The following ARID1B variants were observed in gnomAD, a reference collection of about 807,000 sequenced individuals.
The protein encoded by ARID1B is AT-rich interactive domain-containing protein 1B.
A neutral mutation model predicts 212.3 loss-of-function variants in ARID1B; 30 were observed. That is an observed-to-expected ratio of 0.14 (90% CI 0.11 to 0.19). The LOEUF (loss-of-function observed/expected upper bound fraction) is 0.19. Among genes scored for constraint, ARID1B ranks in the 10% least tolerant of loss-of-function variants. The pLI, the probability that ARID1B is intolerant of heterozygous loss-of-function variation, is 1.00. For synonymous variants in ARID1B, 1,402 were observed against 1,301.7 expected, an observed-to-expected ratio of 1.08 and a Z score of -1.66; for missense variants, 2,891 against 3,204.0, an observed-to-expected ratio of 0.90 and a Z score of 2.36.
chr6:156,872,126 G>A (rs1055114821), intron 2 of ARID1B, among the ~76,000 whole-genome samples: 2 of 152,136 alleles, frequency 1.3e-5, no homozygotes, highest in Middle Eastern at 3.2e-3. Flanking sequence ...GCTTCTCAAG[G>A]CGAGTGATCC....
rs71027320 is a variant in ARID1B at position 156,897,264 on chromosome 6, C to CTTCTTCTTCTTCTTCTTATTA, written c.1987-4110_1987-4109insCTTCTTCTTCTTCTTATTATT. On this transcript the variant is annotated intron_variant, in intron 2 of 19. Coordinates refer to ENST00000636930, the MANE Select transcript of ARID1B (RefSeq NM_001374828.1). Reference sequence around the variant, plus strand: ...TCTTCTTCTTCTTCTTCTTCTTCTTCTTATTATTATTATTATTATTATTAT... The same window carrying CTTCTTCTTCTTCTTCTTATTA: ...TCTTCTTCTTCTTCTTCTTCTTCTTCTTCTTCTTCTTCTTCTTATTATTATTATTATTATTATTATTATTAT... Among the ~76,000 whole-genome samples the CTTCTTCTTCTTCTTCTTATTA allele has an allele frequency of 5.1e-3, 430 of 83,510 alleles. 7 individuals carry two copies. Among genetic ancestry groups the CTTCTTCTTCTTCTTCTTATTA allele is most frequent in the Non-Finnish European group, 7.4e-3 (308 of 41,582 alleles). The allele number at this position is 83,510 out of a possible 152,430, so 54.8% of individuals were successfully genotyped here.
chr6:156,877,209 T>G (rs1309034865), intron 2 of ARID1B, among the ~76,000 whole-genome samples: 1 of 152,224 alleles, frequency 6.6e-6, no homozygotes, highest in Admixed American at 6.5e-5. Context: ...TTAAAGTTCT[T>G]TAGTGAATAT....
chr6:156,920,243 C>T (rs1267400553), intron 3 of ARID1B, among the ~76,000 whole-genome samples: 2 of 152,326 alleles, frequency 1.3e-5, no homozygotes, highest in Non-Finnish European at 2.9e-5. Flanking sequence ...CCTGCTCCTG[C>T]CCCCATTGGT....
chr6:157,021,748 C>T (rs927079579), intron 4 of ARID1B, among the ~76,000 whole-genome samples: 12 of 152,192 alleles, frequency 7.9e-5, no homozygotes, highest in South Asian at 4.1e-4. Context: ...CAGGCTCCTC[C>T]TGGAGGCGGG....
chr6:156,833,891 A>G (rs1366281074), intron 2 of ARID1B, among the ~76,000 whole-genome samples: 4 of 152,188 alleles, frequency 2.6e-5, no homozygotes, highest in Non-Finnish European at 5.9e-5. Flanking sequence ...TTAACAGCCA[A>G]AACACTTCTT....
chr6:156,953,474 A>G (rs1793736522), intron 4 of ARID1B, among the ~76,000 whole-genome samples: 1 of 152,244 alleles, frequency 6.6e-6, no homozygotes, highest in South Asian at 2.1e-4. Flanking sequence ...GAGAAAAGGA[A>G]GGCTAGAACT....
At chr6:156,858,566 G>A (rs1785105923) in intron 2 of ARID1B, among the ~76,000 whole-genome samples, 1 of 152,206 alleles carries the variant, frequency 6.6e-6, no homozygotes, top group Non-Finnish European at 1.5e-5. Flanking sequence ...AGGAGTTCAA[G>A]ACGATCCTGG....
In ARID1B at chr6:156,935,591, T is replaced by G; in HGVS notation, c.2247+15T>G. On this transcript the variant is annotated intron_variant, in intron 4 of 19. Coordinates refer to ENST00000636930, the MANE Select transcript of ARID1B (RefSeq NM_001374828.1). ...CAAGTTTACCAGTAAGACATTATTG[T>G]GCTGATTTGGAAATGTAATGAGTTA... 6.3e-7 allele frequency: 1 copy of G among 1,584,328 alleles called. No homozygotes were observed. Among genetic ancestry groups the G allele is most frequent in the Non-Finnish European group, 8.7e-7 (1 of 1,153,784 alleles).
At chr6:156,894,018 T>C (rs2128193768) in intron 2 of ARID1B, among the ~76,000 whole-genome samples, 1 of 152,222 alleles carries the variant, frequency 6.6e-6, no homozygotes, top group South Asian at 2.1e-4. Context: ...TTCACAATAC[T>C]CAAAAGTTGG....
chr6:157,192,149 G>T (rs143716216), intron 15 of ARID1B, among the ~76,000 whole-genome samples: 6 of 152,124 alleles, frequency 3.9e-5, no homozygotes, highest in African/African-American at 1.4e-4. Context: ...CAAAAGCTTT[G>T]TGAATGTTGG....
intron 8 of ARID1B, among the ~76,000 whole-genome samples, chr6:157,156,952 G>A (rs1029278773): frequency 5.3e-5 from 8 of 152,218 alleles, no homozygotes; most frequent in Admixed American, 3.9e-4. Flanking sequence ...ACCTGACCCT[G>A]ACTCAGGCTC....
At chr6:156,991,074 A>G (rs940765184) in intron 4 of ARID1B, among the ~76,000 whole-genome samples, 2 of 152,102 alleles carry the variant, frequency 1.3e-5, no homozygotes, top group African/African-American at 4.8e-5. Flanking sequence ...CTACTTCCTC[A>G]TGAGGCTCTG....
intron 4 of ARID1B, among the ~76,000 whole-genome samples, chr6:157,011,496 G>T (rs1779606451): frequency 6.6e-6 from 1 of 152,088 alleles, no homozygotes; most frequent in Non-Finnish European, 1.5e-5. Context: ...TCTGCTATGG[G>T]AATTTTTATG....
chr6:156,881,735 C>A (rs1787114856), intron 2 of ARID1B, among the ~76,000 whole-genome samples: 1 of 152,120 alleles, frequency 6.6e-6, no homozygotes, highest in Admixed American at 6.5e-5. Flanking sequence ...TAAAAATTGC[C>A]TCACGGTTTG....
chr6:156,982,871 C>T (rs1299143649), intron 4 of ARID1B, among the ~76,000 whole-genome samples: 4 of 151,954 alleles, frequency 2.6e-5, no homozygotes, highest in South Asian at 2.1e-4. Context: ...TTACTTTTTA[C>T]AATCTGTTTT....
intron 3 of ARID1B, among the ~76,000 whole-genome samples, chr6:156,934,912 T>TTATATATATATATATATATA (rs201495355): frequency 1.9e-5 from 1 of 52,702 alleles, no homozygotes; most frequent in Non-Finnish European, 3.5e-5. Flanking sequence ...TAGTTGTTAA[T>TTATATATATATATATATATA]TATATATATA....
intron 8 of ARID1B, among the ~76,000 whole-genome samples, chr6:157,155,741 C>T (rs543175853): frequency 6.6e-6 from 1 of 152,248 alleles, no homozygotes; most frequent in Admixed American, 6.5e-5. Context: ...GTAGCTAGAT[C>T]AGTGGTAACC....
intron 4 of ARID1B, among the ~76,000 whole-genome samples, chr6:157,004,188 T>A (rs1779071416): frequency 6.6e-6 from 1 of 152,134 alleles, no homozygotes; most frequent in Non-Finnish European, 1.5e-5. Context: ...GTGTGAGCCT[T>A]TTATCTCTGC....
At chr6:157,043,924 T>G (rs911038760) in intron 4 of ARID1B, among the ~76,000 whole-genome samples, 1 of 152,246 alleles carries the variant, frequency 6.6e-6, no homozygotes, top group Admixed American at 6.5e-5. Flanking sequence ...ATCACTCTAC[T>G]TCTTTCCACT....
Sources: gnomAD v4.1 joint callset for allele counts (sites outside exome capture counted in the v4.1 genomes callset) on GRCh38, gnomAD v4.1.1 for gene constraint, MANE v1.5 for transcripts, NCBI Gene and HGNC (gene_info 2026-07-23, HGNC 2026-07-21) for gene names.